The following TSPAN9 variants were observed in gnomAD, a reference collection of about 807,000 sequenced individuals.
TSPAN9 encodes tetraspanin-9.
Under a neutral mutation model 31.0 loss-of-function variants are expected in TSPAN9, and 16 were observed. The ratio of observed to expected loss-of-function variants is 0.52; its 90% CI spans 0.35 to 0.78. The LOEUF (loss-of-function observed/expected upper bound fraction) is 0.78. TSPAN9 is among the 30% of genes least tolerant of loss of function. TSPAN9 has a pLI of 0.01. For missense variants in TSPAN9, 272 were observed against 312.5 expected (o/e 0.87, Z 0.98); for synonymous variants, 145 against 121.6 (o/e 1.19, Z -1.27).
At chr12:3,268,921 T>C (rs1591716228) in intron 3 of TSPAN9, among the ~76,000 whole-genome samples, 1 of 103,046 alleles carries the variant, frequency 9.7e-6, no homozygotes, top group Non-Finnish European at 1.9e-5. Context: ...GCCTGCCCTG[T>C]GTTCCTGCAG....
Position 3,286,247 on chromosome 12 carries a change from C to T in TSPAN9, c.*3131C>T, listed in dbSNP as rs1863014463. On this transcript the variant is annotated 3_prime_UTR_variant, in exon 9 of 9. Transcript: ENST00000011898. The surrounding 1 kb of genome is among the most constrained non-coding windows in gnomAD (Gnocchi z 4.1). ...CTCAGCTTCTCAGAGTCCGGCCAGCCCTTGTGTTCCCGTGCCCCACACTTT... is the reference window on the plus strand; with the variant it reads ...CTCAGCTTCTCAGAGTCCGGCCAGCTCTTGTGTTCCCGTGCCCCACACTTT... 6.5e-6 allele frequency: 1 copy of T among 152,890 alleles called. No individual in the cohort carries two copies. Among genetic ancestry groups the T allele is most frequent in the Admixed American group, 6.5e-5 (1 of 15,284 alleles). The allele number at this position is 152,890 out of a possible 1,614,324, so 9.5% of individuals were successfully genotyped here.
chr12:3,218,042 T>A (rs1233523222), intron 3 of TSPAN9, among the ~76,000 whole-genome samples: 1 of 152,120 alleles, frequency 6.6e-6, no homozygotes, highest in African/African-American at 2.4e-5. Context: ...GAGTTTTGCA[T>A]GGGATAATGA....
intron 2 of TSPAN9, among the ~76,000 whole-genome samples, chr12:3,162,374 C>T (rs181691122): frequency 6.6e-6 from 1 of 152,326 alleles, no homozygotes; most frequent in Admixed American, 6.5e-5. Context: ...TATGCAGCTG[C>T]ATGCTAAATA....
chr12:3,194,058 A>G (rs7955889), intron 2 of TSPAN9, among the ~76,000 whole-genome samples: 57,381 of 151,822 alleles, frequency 0.38, 11,471 homozygotes, highest in African/African-American at 0.52. Context: ...AATGAACTCA[A>G]GGCTGTCAGG....
Position 3,280,201 on chromosome 12 carries a change from C to T in TSPAN9, c.331-181C>T, listed in dbSNP as rs963802857. On this transcript the variant is annotated intron_variant, in intron 5 of 8. Coordinates refer to ENST00000011898, the MANE Select transcript of TSPAN9 (RefSeq NM_006675.5). The surrounding 1 kb of genome is among the most constrained non-coding windows in gnomAD (Gnocchi z 4.5). ...GAAACTGGGAGTGTGTGCCTAACCC[C>T]GCACCTCTGTTGGGCCAGCAGAGGC... Among the ~76,000 whole-genome samples, 5 of 152,092 alleles carry T rather than the reference C, an allele frequency of 3.3e-5. No individual in the cohort carries two copies. Among genetic ancestry groups the T allele is most frequent in the African/African-American group, 4.8e-5 (2 of 41,414 alleles).
chr12:3,268,100 C>T (rs574100668), intron 3 of TSPAN9, among the ~76,000 whole-genome samples: 1 of 152,322 alleles, frequency 6.6e-6, no homozygotes, highest in African/African-American at 2.4e-5. Context: ...TTGTCAGCCT[C>T]CCTCTTGGGA....
At chr12:3,247,310 C>T (rs1292699286) in intron 3 of TSPAN9, among the ~76,000 whole-genome samples, 1 of 50,932 alleles carries the variant, frequency 2.0e-5, no homozygotes, top group Non-Finnish European at 6.9e-5. Flanking sequence ...CCCCCCCCCC[C>T]CCGCCACCCG....
At position 3,283,355 on chromosome 12, in the gene TSPAN9, A is replaced by G. The variant is rs1003267719; in HGVS notation, c.*239A>G. On this transcript the variant is annotated 3_prime_UTR_variant, in exon 9 of 9. Transcript: ENST00000011898. The stretch of plus-strand genomic sequence containing the variant: ...TGGATTCCTGCATCTGCATATGCGT[A>G]TTTGCCAAAGACGACAGGGTGGGCT... 1.0e-5 allele frequency: 5 copies of G among 491,870 alleles called. No individual in the cohort carries two copies. Among genetic ancestry groups the G allele is most frequent in the Non-Finnish European group, 1.1e-5 (3 of 279,396 alleles). 30.5% of individuals were successfully genotyped at this position (491,870 alleles called of 1,614,324 possible).
chr12:3,157,884 G>T (rs369722098), intron 2 of TSPAN9, among the ~76,000 whole-genome samples: 2 of 152,134 alleles, frequency 1.3e-5, no homozygotes, highest in African/African-American at 2.4e-5. Flanking sequence ...TGATTATAGG[G>T]TGCTGACAAA....
chr12:3,096,158 A>G (rs1180717499), intron 2 of TSPAN9, among the ~76,000 whole-genome samples: 1 of 152,178 alleles, frequency 6.6e-6, no homozygotes, highest in African/African-American at 2.4e-5. Context: ...TAAATGTTCA[A>G]AATCAATAAT....
chr12:3,247,261 G>C (rs930499340), intron 3 of TSPAN9, among the ~76,000 whole-genome samples: 1 of 151,288 alleles, frequency 6.6e-6, no homozygotes, highest in East Asian at 2.0e-4. Flanking sequence ...GAGGAGCTGC[G>C]GTGACAGCTG....
At chr12:3,249,085 C>T (rs947067220) in intron 3 of TSPAN9, among the ~76,000 whole-genome samples, 19 of 152,336 alleles carry the variant, frequency 1.2e-4, no homozygotes, top group Admixed American at 9.8e-4. Context: ...TTAGTTCATT[C>T]GATACAGGCC....
chr12:3,224,861 T>C (rs1023768921), intron 3 of TSPAN9, among the ~76,000 whole-genome samples: 5 of 152,246 alleles, frequency 3.3e-5, no homozygotes, highest in African/African-American at 4.8e-5. Flanking sequence ...AGATCGGCCC[T>C]CTTGAGGGGC....
At position 3,283,388 on chromosome 12, in the gene TSPAN9, G is replaced by A. The variant is rs569623416; in HGVS notation, c.*272G>A. ...AAGACGACAGGGTGGGCTGGGGTGC[G>A]CTCCGGAGGAACCCCCGGCACTGAT... On this transcript the variant is annotated 3_prime_UTR_variant, in exon 9 of 9. Coordinates refer to ENST00000011898, the MANE Select transcript of TSPAN9 (RefSeq NM_006675.5). 9 of 412,266 alleles carry A rather than the reference G, an allele frequency of 2.2e-5. No individual in the cohort carries two copies. Among genetic ancestry groups the A allele is most frequent in the Middle Eastern group, 6.3e-4 (1 of 1,588 alleles). The allele number at this position is 412,266 out of a possible 1,614,324, so 25.5% of individuals were successfully genotyped here.
intron 2 of TSPAN9, among the ~76,000 whole-genome samples, chr12:3,185,510 G>A (rs2098360770): frequency 6.6e-6 from 1 of 152,198 alleles, no homozygotes; most frequent in Non-Finnish European, 1.5e-5. Flanking sequence ...GGAGTTTCCA[G>A]TCTGTGTAGA....
chr12:3,159,460 A>T (rs2098343922), intron 2 of TSPAN9, among the ~76,000 whole-genome samples: 1 of 152,182 alleles, frequency 6.6e-6, no homozygotes, highest in Non-Finnish European at 1.5e-5. Flanking sequence ...TCCTAACCCC[A>T]TACCTCAGAA....
intron 2 of TSPAN9, among the ~76,000 whole-genome samples, chr12:3,091,031 C>T (rs1476172318): frequency 1.3e-5 from 2 of 152,220 alleles, no homozygotes; most frequent in Non-Finnish European, 2.9e-5. Context: ...GCTCTGAGAG[C>T]TGTAGAAGTC....
At chr12:3,255,907 G>A (rs614616) in intron 3 of TSPAN9, among the ~76,000 whole-genome samples, 71,058 of 151,996 alleles carry the variant, frequency 0.47, 17,144 homozygotes, top group African/African-American at 0.58. Flanking sequence ...TGTACCTCTG[G>A]TGTGGGAGGT....
intron 5 of TSPAN9, among the ~76,000 whole-genome samples, chr12:3,279,844 C>T (rs148488112): frequency 3.3e-5 from 5 of 152,210 alleles, no homozygotes; most frequent in African/African-American, 1.2e-4. Flanking sequence ...CTGTTCTTGG[C>T]CCTTTTATGA....
Sources: gnomAD v4.1 joint callset for allele counts (sites outside exome capture counted in the v4.1 genomes callset) on GRCh38, gnomAD v4.1.1 for gene constraint, Gnocchi (gnomAD v3.1) non-coding constraint, MANE v1.5 for transcripts, NCBI Gene and HGNC (gene_info 2026-07-23, HGNC 2026-07-21) for gene names.